DOCK5: variants seen among roughly 807,000 people sequenced by gnomAD.
DOCK5 encodes dedicator of cytokinesis protein 5.
Under a neutral mutation model 251.8 loss-of-function variants are expected in DOCK5, and 142 were observed. The observed-to-expected ratio is 0.56, with a 90% CI of 0.49 to 0.65. The LOEUF (loss-of-function observed/expected upper bound fraction) is 0.65, where lower values mean the gene tolerates loss of function less well. Among genes scored for constraint, DOCK5 ranks in the 30% least tolerant of loss-of-function variants. The probability of loss-of-function intolerance (pLI) is 0.00; values close to 1 mark genes in which losing one functional copy is unlikely to be tolerated. For synonymous variants in DOCK5, 842 were observed against 835.5 expected, an observed-to-expected ratio of 1.01 and a Z score of -0.13; for missense variants, 2,111 against 2,312.3, an observed-to-expected ratio of 0.91 and a Z score of 1.79.
At chr8:25,342,691 GTTTTTTT>G (rs1201632677) in intron 25 of DOCK5, among the ~76,000 whole-genome samples, 184 bp downstream of exon 25, 18 of 72,068 alleles carry the variant, frequency 2.5e-4, no homozygotes, top group Non-Finnish European at 3.9e-4. Flanking sequence ...GTTTTTTCTT[GTTTTTTT>G]TTTTTTTTTT....
intron 1 of DOCK5, among the ~76,000 whole-genome samples, chr8:25,192,185 G>A (rs1392011280): frequency 2.5e-5 from 3 of 122,422 alleles, no homozygotes; most frequent in Non-Finnish European, 5.2e-5. Flanking sequence ...TGGACATTTG[G>A]GTTGGTTCCA....
intron 27 of DOCK5, among the ~76,000 whole-genome samples, chr8:25,354,752 A>G (rs947259694): frequency 2.0e-5 from 3 of 152,236 alleles, no homozygotes; most frequent in African/African-American, 4.8e-5. Context: ...GAATGGTTAA[A>G]TATTAGGAAA....
intron 23 of DOCK5, 138 bp downstream of exon 23, chr8:25,341,126 A>G (rs1237142282): frequency 1.0e-5 from 6 of 599,204 alleles, no homozygotes; most frequent in Non-Finnish European, 1.4e-5. Context: ...AGTATGATTT[A>G]CAGAAAATAA....
rs1321545110 is a variant in DOCK5 at position 25,331,793 on chromosome 8, TATATATATAGAG to T, written c.1904-456_1904-445del. Among the ~76,000 whole-genome samples, 14 of 36,100 alleles carry T rather than the reference TATATATATAGAG, an allele frequency of 3.9e-4. No homozygotes were observed. The South Asian group carries it at 9.0e-3, about 23-fold the overall frequency. 23.7% of individuals were successfully genotyped at this position (36,100 alleles called of 152,430 possible). A position where few individuals can be genotyped will look rare whatever the true frequency, so the allele number is the denominator to read the frequency against. On this transcript the variant is annotated intron_variant, in intron 18 of 51. Transcript: ENST00000276440. ...AAATAAATTAATGCATATATATATA[TATATATATAGAG>T]AGAGAGAGAGAGAGAGAGAGAGAGA...
chr8:25,281,827 C>T (rs935446663), intron 5 of DOCK5, among the ~76,000 whole-genome samples: 16 of 141,148 alleles, frequency 1.1e-4, no homozygotes, highest in Non-Finnish European at 2.1e-4. Flanking sequence ...TGCAGTGAGC[C>T]AAGATTGTGC....
chr8:25,286,748 C>T (rs758904879), intron 5 of DOCK5, among the ~76,000 whole-genome samples: 3 of 152,086 alleles, frequency 2.0e-5, no homozygotes, highest in Non-Finnish European at 4.4e-5. Context: ...ACTGGTGCCT[C>T]AAACTCCCAG....
At chr8:25,393,754 G>A (rs1030760792) in intron 44 of DOCK5, among the ~76,000 whole-genome samples, 7 of 152,170 alleles carry the variant, frequency 4.6e-5, no homozygotes, top group African/African-American at 9.6e-5. Context: ...CATCCTGGGC[G>A]TGTTTCTAAC....
chr8:25,391,537 C>G (rs1801260162), intron 42 of DOCK5, among the ~76,000 whole-genome samples: 1 of 152,024 alleles, frequency 6.6e-6, no homozygotes, highest in Admixed American at 6.6e-5. Flanking sequence ...ACTCAGGTGG[C>G]TGAGGTAGGA....
chr8:25,312,645 C>A (rs550568460), intron 13 of DOCK5, among the ~76,000 whole-genome samples: 8 of 151,950 alleles, frequency 5.3e-5, no homozygotes, highest in Non-Finnish European at 8.8e-5. Flanking sequence ...TACCTGTAGT[C>A]CCAGTTACTC....
At chr8:25,334,733 G>A (rs1367559580) in intron 21 of DOCK5, among the ~76,000 whole-genome samples, 1 of 150,796 alleles carries the variant, frequency 6.6e-6, no homozygotes, top group Non-Finnish European at 1.5e-5. Context: ...AAAAAATCGA[G>A]CAAAATCAAT....
intron 40 of DOCK5, among the ~76,000 whole-genome samples, chr8:25,384,605 G>A (rs1008737991): frequency 6.6e-5 from 10 of 151,602 alleles, no homozygotes; most frequent in Admixed American, 4.6e-4. Context: ...GATTACAGGT[G>A]TGCACGACCA....
chr8:25,287,647 T>C (rs1214785792), intron 5 of DOCK5, among the ~76,000 whole-genome samples: 1 of 152,170 alleles, frequency 6.6e-6, no homozygotes, highest in Non-Finnish European at 1.5e-5. Context: ...CAAAGTTTGT[T>C]TTTGAGTCCC....
At chr8:25,395,903 C>T (rs529747280) in intron 45 of DOCK5, 184 bp downstream of exon 45, 2 of 778,514 alleles carry the variant, frequency 2.6e-6, no homozygotes, top group South Asian at 2.9e-5. Flanking sequence ...ATCAGCAACC[C>T]AGCTGGTATA....
At chr8:25,188,438 C>T (rs1349186677) in intron 1 of DOCK5, among the ~76,000 whole-genome samples, 1 of 152,200 alleles carries the variant, frequency 6.6e-6, no homozygotes, top group African/African-American at 2.4e-5. Flanking sequence ...GCCTGTTGTG[C>T]TCTAAGAGGA....
chr8:25,302,278 A>G, intron 9 of DOCK5, 47 bp from the exon 10 acceptor site: 3 of 1,545,160 alleles, frequency 1.9e-6, no homozygotes, highest in East Asian at 2.3e-5. Flanking sequence ...CACAGGTGAC[A>G]CAGTGGTCCA....
In DOCK5 at chr8:25,227,824, G is replaced by T. The variant is rs141858539; in HGVS notation, c.44-15850G>T. Among the ~76,000 whole-genome samples, 61 of 152,246 alleles carry T rather than the reference G, an allele frequency of 4.0e-4. 1 individual carries two copies. The East Asian group carries it at 0.012, about 29-fold the overall frequency. Reference sequence around the variant, plus strand: ...GATAATACTTTCTCTAGTTTTCTAAGCATCCATTAATAATTTATAGTATGG... The same window carrying T: ...GATAATACTTTCTCTAGTTTTCTAATCATCCATTAATAATTTATAGTATGG... On this transcript the variant is annotated intron_variant, in intron 1 of 51. Transcript: ENST00000276440.
Position 25,366,979 on chromosome 8 carries a change from C to G in DOCK5, c.3224+9C>G, listed in dbSNP as rs1196023687. 6.2e-7 allele frequency: 1 copy of G among 1,609,844 alleles called. No individual in the cohort carries two copies. ...AACAAAATTGTTAAAAAGTAAGTGT[C>G]CTTTTAAAGTTAAGATCGGGAAGGG... On this transcript the variant is annotated intron_variant, in intron 31 of 51. Transcript: ENST00000276440.
intron 30 of DOCK5, among the ~76,000 whole-genome samples, chr8:25,365,337 T>A (rs1800757440): frequency 1.3e-5 from 2 of 152,246 alleles, no homozygotes; most frequent in African/African-American, 4.8e-5. Context: ...GTGGGTGATG[T>A]GCTTTCTGTG....
intron 1 of DOCK5, among the ~76,000 whole-genome samples, chr8:25,204,279 A>G (rs1398575915): frequency 6.6e-6 from 1 of 152,154 alleles, no homozygotes; most frequent in African/African-American, 2.4e-5. Context: ...TTAAAATTTT[A>G]GGGGCATTTA....
Sources: allele counts gnomAD v4.1 joint callset (sites outside exome capture counted in the v4.1 genomes callset), GRCh38; gene constraint gnomAD v4.1.1; transcripts MANE v1.5; gene names NCBI Gene and HGNC (gene_info 2026-07-23, HGNC 2026-07-21).